GLG1: variants seen among roughly 807,000 people sequenced by gnomAD.
GLG1 encodes golgi glycoprotein 1.
Under a neutral mutation model 160.5 loss-of-function variants are expected in GLG1, and 38 were observed. The ratio of observed to expected loss-of-function variants is 0.24; its 90% CI spans 0.18 to 0.31. GLG1 has a LOEUF of 0.31. Ranked by LOEUF, GLG1 falls within the 10% of genes least tolerant of loss-of-function variation. The pLI is 1.00. For missense variants in GLG1, 1,373 were observed against 1,505.2 expected, an observed-to-expected ratio of 0.91 and a Z score of 1.45; for synonymous variants, 644 against 543.4, an observed-to-expected ratio of 1.19 and a Z score of -2.57.
intron 17 of GLG1, chr16:74,468,310 C>T (rs1220410808): frequency 7.1e-6 from 1 of 140,668 alleles, no homozygotes; most frequent in Non-Finnish European, 1.5e-5. Flanking sequence ...CATCTCGGCT[C>T]ACTGCAAACT....
intron 7 of GLG1, among the ~76,000 whole-genome samples, chr16:74,492,589 T>C (rs1307657176): frequency 6.6e-6 from 1 of 150,548 alleles, no homozygotes; most frequent in Non-Finnish European, 1.5e-5. Flanking sequence ...GAGGCCAAGG[T>C]GGGCGGATCA....
chr16:74,590,289 G>A (rs557126819), intron 1 of GLG1, among the ~76,000 whole-genome samples: 5 of 152,050 alleles, frequency 3.3e-5, no homozygotes, highest in Non-Finnish European at 7.4e-5. Context: ...GTGAGCCACC[G>A]TGCCTAGCCG....
At chr16:74,497,946 T>C (rs958039943) in intron 4 of GLG1, among the ~76,000 whole-genome samples, 1 of 152,186 alleles carries the variant, frequency 6.6e-6, no homozygotes, top group Admixed American at 6.5e-5. Flanking sequence ...CTGAGAGTTT[T>C]CTTAAAAACC....
chr16:74,460,405 C>T (rs921914822), intron 22 of GLG1, among the ~76,000 whole-genome samples: 1 of 152,210 alleles, frequency 6.6e-6, no homozygotes, highest in Non-Finnish European at 1.5e-5. Flanking sequence ...GATCCTCCTA[C>T]CTTGGCCTCC....
chr16:74,455,706 T>A (rs1488389939), intron 25 of GLG1, among the ~76,000 whole-genome samples: 1 of 152,188 alleles, frequency 6.6e-6, no homozygotes, highest in Non-Finnish European at 1.5e-5. Context: ...ACTCTCTTGA[T>A]CTTAGGCCAC....
chr16:74,453,651 C>T (rs1434819783), intron 25 of GLG1, among the ~76,000 whole-genome samples: 2 of 152,184 alleles, frequency 1.3e-5, no homozygotes, highest in Admixed American at 6.5e-5. Flanking sequence ...CTCCCCCTGC[C>T]CTCACTCATT....
chr16:74,451,740 A>G lies in GLG1; in HGVS notation c.*1427T>C. ...GTGATCTCATGCCCCAAACTCAACCAAAGGAGTGCCACGCTGAACCATGAT... is the reference window on the plus strand; with the variant it reads ...GTGATCTCATGCCCCAAACTCAACCGAAGGAGTGCCACGCTGAACCATGAT... On this transcript the variant is annotated 3_prime_UTR_variant, in exon 26 of 26. Transcript: ENST00000422840. The G allele has an allele frequency of 3.0e-6, 1 of 338,428 alleles. No individual in the cohort carries two copies. Among genetic ancestry groups the G allele is most frequent in the Non-Finnish European group, 5.6e-6 (1 of 177,058 alleles). 21.0% of individuals were successfully genotyped at this position (338,428 alleles called of 1,614,324 possible).
At chr16:74,578,666 A>G (rs1474911232) in intron 1 of GLG1, among the ~76,000 whole-genome samples, 6 of 152,204 alleles carry the variant, frequency 3.9e-5, no homozygotes, top group Admixed American at 3.9e-4. Context: ...GATTAAATCC[A>G]TGTGCCTGCC....
intron 1 of GLG1, among the ~76,000 whole-genome samples, chr16:74,557,881 G>A (rs1378806974): frequency 6.6e-6 from 1 of 151,918 alleles, no homozygotes; most frequent in African/African-American, 2.4e-5. Flanking sequence ...CACCAGGCCT[G>A]GCCATAGAAA....
intron 7 of GLG1, 91 bp downstream of exon 7, chr16:74,492,866 G>T (rs959407332): frequency 3.1e-6 from 2 of 648,542 alleles, no homozygotes; most frequent in African/African-American, 3.8e-5. Context: ...AGCAAATATG[G>T]GAGGAAACTA....
At chr16:74,559,717 G>A (rs749618529) in intron 1 of GLG1, among the ~76,000 whole-genome samples, 3 of 150,226 alleles carry the variant, frequency 2.0e-5, no homozygotes, top group Admixed American at 6.7e-5. Context: ...TTACGTCTTC[G>A]TATCATGTCT....
chr16:74,452,409 C>T lies in GLG1; in HGVS notation c.*758G>A. The T allele has an allele frequency of 8.4e-7, 1 of 1,191,310 alleles. No individual in the cohort carries two copies. 73.8% of individuals were successfully genotyped at this position (1,191,310 alleles called of 1,614,324 possible). On this transcript the variant is annotated 3_prime_UTR_variant, in exon 26 of 26. Coordinates refer to ENST00000422840, the MANE Select transcript of GLG1 (RefSeq NM_001145667.2). The stretch of plus-strand genomic sequence containing the variant: ...CTGTTCAACTTCACAAACTTCCGGT[C>T]CCTTCCCCTCCCCAGCTGCCCTTGT...
chr16:74,546,078 C>T (rs2018037104), intron 1 of GLG1, among the ~76,000 whole-genome samples: 1 of 152,198 alleles, frequency 6.6e-6, no homozygotes, highest in African/African-American at 2.4e-5. Flanking sequence ...ACGATCAGAT[C>T]TTACCATAGT....
chr16:74,512,160 C>CTTTT (rs71848568), intron 2 of GLG1, among the ~76,000 whole-genome samples: 43,466 of 135,404 alleles, frequency 0.32, 7,797 homozygotes, highest in South Asian at 0.54. Context: ...TCTTTTATTT[C>CTTTT]TTTTTTTTTT....
intron 1 of GLG1, among the ~76,000 whole-genome samples, chr16:74,550,061 T>A (rs1227239673): frequency 1.3e-5 from 2 of 152,230 alleles, no homozygotes; most frequent in African/African-American, 4.8e-5. Context: ...GAGGCTGCAA[T>A]GAGCCATGAT....
At chr16:74,529,816 T>TG (rs1555513369) in intron 2 of GLG1, among the ~76,000 whole-genome samples, 4 of 134,252 alleles carry the variant, frequency 3.0e-5, no homozygotes, top group Admixed American at 7.6e-5. Flanking sequence ...AGAGTTCTTT[T>TG]TTTTTTTTTT....
At chr16:74,470,156 C>CT (rs2143238653) in intron 15 of GLG1, 83 bp from the exon 16 acceptor site, 1 of 802,084 alleles carries the variant, frequency 1.2e-6, no homozygotes, top group Non-Finnish European at 2.2e-6. Flanking sequence ...TCATATAGCT[C>CT]TCACAAGCCT....
At chr16:74,482,920 C>T in intron 10 of GLG1, 103 bp downstream of exon 10, 1 of 737,772 alleles carries the variant, frequency 1.4e-6, no homozygotes, top group Non-Finnish European at 2.4e-6. Context: ...CAGAACTGAA[C>T]AAAAAGAGTT....
At chr16:74,587,192 AC>A (rs1958074247) in intron 1 of GLG1, among the ~76,000 whole-genome samples, 1 of 152,158 alleles carries the variant, frequency 6.6e-6, no homozygotes, top group Admixed American at 6.6e-5. Context: ...GGCAGCATTA[AC>A]TATGATCCCT....
Sources: allele counts gnomAD v4.1 joint callset (sites outside exome capture counted in the v4.1 genomes callset), GRCh38; gene constraint gnomAD v4.1.1; transcripts MANE v1.5; gene names NCBI Gene and HGNC (gene_info 2026-07-23, HGNC 2026-07-21).